GOLGA1: variants seen among roughly 807,000 people sequenced by gnomAD.
The protein encoded by GOLGA1 is golgin A1.
In GOLGA1, 63 loss-of-function variants were observed where a neutral mutation model predicts 119.7. The ratio of observed to expected loss-of-function variants is 0.53; its 90% CI spans 0.43 to 0.65. GOLGA1 has a LOEUF of 0.65. Ranked by LOEUF, GOLGA1 falls within the 30% of genes least tolerant of loss-of-function variation. The pLI is 0.00. For missense variants in GOLGA1, 798 were observed against 912.8 expected, an observed-to-expected ratio of 0.87 and a Z score of 1.62; for synonymous variants, 318 against 333.4, an observed-to-expected ratio of 0.95 and a Z score of 0.50.
At chr9:124,884,081 G>A (rs909297811) in intron 19 of GOLGA1, among the ~76,000 whole-genome samples, 1 of 150,892 alleles carries the variant, frequency 6.6e-6, no homozygotes, top group Admixed American at 6.6e-5. Context: ...GCACGATCTC[G>A]GCTCTCTGCA....
chr9:124,941,964 A>G (rs967228137), upstream of GOLGA1, among the ~76,000 whole-genome samples: 4 of 152,070 alleles, frequency 2.6e-5, no homozygotes, highest in African/African-American at 7.2e-5. Context: ...ACAAAAGAGG[A>G]AAAACTATCT....
At chr9:124,937,255 C>T (rs1363117066) in intron 3 of GOLGA1, among the ~76,000 whole-genome samples, 2 of 152,056 alleles carry the variant, frequency 1.3e-5, no homozygotes, top group African/African-American at 2.4e-5. Flanking sequence ...AGTTCCAGAC[C>T]AGCCTGGCCA....
At chr9:124,931,542 T>C (rs915207768) in intron 3 of GOLGA1, 136 bp from the exon 4 acceptor site, 1 of 603,428 alleles carries the variant, frequency 1.7e-6, no homozygotes, top group Non-Finnish European at 3.0e-6. Flanking sequence ...GGGCCTAGTT[T>C]CTCTACCTGG....
At chr9:124,904,044 G>A (rs566685017) in intron 12 of GOLGA1, among the ~76,000 whole-genome samples, 140 of 150,246 alleles carry the variant, frequency 9.3e-4, no homozygotes, top group Middle Eastern at 6.8e-3. Flanking sequence ...GCCTGATGAC[G>A]GAGCAAGACT....
At chr9:124,947,161 T>C (rs1831158107) in intron 1 of GOLGA1, 1 of 152,216 alleles carries the variant, frequency 6.6e-6, no homozygotes, top group African/African-American at 2.4e-5. Context: ...GACATTTTCC[T>C]ATGTTTTTAA....
rs766266676 is a variant in GOLGA1, at chr9:124,938,655, T to C, written c.57A>G (p.Pro19=). ...IAEETAVAQR[P]GGATRIPRSV... ...ACCGTGGGATCCTAGTAGCACCTCC[T>C]GGCCTCTGAGCAACAGCAGTCTCTT... Residue 19 remains proline (P), a synonymous_variant, in exon 3 of 23, where the codon CCA becomes CCG. Coordinates refer to ENST00000373555, the MANE Select transcript of GOLGA1 (RefSeq NM_002077.4). 4 of 1,613,196 alleles carry C rather than the reference T, an allele frequency of 2.5e-6. No individual in the cohort carries two copies. Among genetic ancestry groups the C allele is most frequent in the East Asian group, 2.2e-5 (1 of 44,898 alleles).
chr9:124,920,947 G>A (rs1830557272), intron 10 of GOLGA1, among the ~76,000 whole-genome samples, 182 bp downstream of exon 10: 1 of 151,890 alleles, frequency 6.6e-6, no homozygotes, highest in Non-Finnish European at 1.5e-5. Flanking sequence ...CTTCTGCTAA[G>A]CAACCCTTGT....
At chr9:124,924,274 A>G (rs1454113795) in intron 7 of GOLGA1, among the ~76,000 whole-genome samples, 2 of 152,210 alleles carry the variant, frequency 1.3e-5, no homozygotes, top group Non-Finnish European at 2.9e-5. Context: ...AACTGATTTC[A>G]GTTAACAAGC....
At chr9:124,922,131 G>C (rs1830582254) in intron 8 of GOLGA1, among the ~76,000 whole-genome samples, 1 of 151,978 alleles carries the variant, frequency 6.6e-6, no homozygotes, top group South Asian at 2.1e-4. Flanking sequence ...GGGAGGCTGA[G>C]GCGGGAGAAT....
At chr9:124,928,343 A>T in intron 5 of GOLGA1, 58 bp from the exon 6 acceptor site, 1 of 881,254 alleles carries the variant, frequency 1.1e-6, no homozygotes, top group South Asian at 1.4e-5. Flanking sequence ...AGCATGACAA[A>T]TAGCCCATGT....
chr9:124,880,568 G>T lies in GOLGA1; in HGVS notation c.2266C>A (p.Arg756=). The T allele has an allele frequency of 6.2e-7, 1 of 1,611,100 alleles. No homozygotes were observed. The highest frequency in any genetic ancestry group is 8.5e-7 in the Non-Finnish European group (1 of 1,177,452). Residue 756 remains arginine (R), a synonymous_variant, in exon 23 of 23, where the codon CGG becomes AGG. Coordinates refer to ENST00000373555, the MANE Select transcript of GOLGA1 (RefSeq NM_002077.4). The part of the protein sequence containing the change: ...GSKPAPKGSI[R]PSISNPRIPW... ...ATCCGAGGGTTTGAGATAGACGGCC[G>T]GATGCTGCCCTTGGGAGCTGGTTTG...
chr9:124,898,477 G>T, intron 15 of GOLGA1, 72 bp downstream of exon 15: 1 of 844,810 alleles, frequency 1.2e-6, no homozygotes, highest in Non-Finnish European at 2.0e-6. Context: ...AGTATGAGAA[G>T]TGGGGCACTG....
rs1283719141 is a variant in GOLGA1 at position 124,903,997 on chromosome 9, A to G, written c.1066-3450T>C. 1.1e-4 allele frequency among the ~76,000 whole-genome samples: 16 copies of G among 150,772 alleles called. 1 individual carries two copies. Among genetic ancestry groups the G allele is most frequent in the Admixed American group, 1.1e-3 (16 of 15,114 alleles). Reference sequence around the variant, plus strand: ...GGAATTGCTTGAACCTAGGAAGCGGAGGTTGCAGTGAGCCGAGATCGTGCC... The same window carrying G: ...GGAATTGCTTGAACCTAGGAAGCGGGGGTTGCAGTGAGCCGAGATCGTGCC... On this transcript the variant is annotated intron_variant, in intron 12 of 22. Transcript: ENST00000373555.
Position 124,928,195 on chromosome 9 carries a change from T to C in GOLGA1, c.392A>G (p.Lys131Arg). 1.3e-6 allele frequency: 2 copies of C among 1,540,074 alleles called. No homozygotes were observed. Among genetic ancestry groups the C allele is most frequent in the Admixed American group, 1.7e-5 (1 of 59,152 alleles). Residue 131 changes from lysine (K) to arginine (R), a missense_variant, in exon 6 of 23, where the codon AAG (lysine) becomes AGG (arginine). Lys to Arg is a conservative substitution (Grantham distance 26). Coordinates refer to ENST00000373555, the MANE Select transcript of GOLGA1 (RefSeq NM_002077.4). ...GTGCCACATATAAAATACCTGGTCC[T>C]TTCTGGCTAATGCCAAAGCCAGTCC... is the stretch of plus-strand genomic sequence containing the variant. The part of the protein sequence containing the change: ...AEGLALALAR[K>R]DQEWSEKMDQ...
At position 124,881,910 on chromosome 9, in the gene GOLGA1, A is replaced by G. The variant is rs1380172731; in HGVS notation, c.2010T>C (p.Pro670=). 1 of 1,611,536 alleles carries G rather than the reference A, an allele frequency of 6.2e-7. No individual in the cohort carries two copies. Among genetic ancestry groups the G allele is most frequent in the South Asian group, 1.1e-5 (1 of 90,790 alleles). The part of the protein sequence containing the change: ...DNELFEVREK[P]GPEMANMAPS... ...GCGCCATGTTTGCCATCTCAGGTCC[A>G]GGTTTCTCCCGGACTTCGAAGAGCT... Residue 670 remains proline, a synonymous_variant, in exon 21 of 23, where the codon CCT becomes CCC. Transcript: ENST00000373555. This position sits in a 1 kb window ranked among gnomAD's most constrained non-coding sequence, Gnocchi z 4.9.
At chr9:124,934,189 ACTCTAT>A (rs1287162706) in intron 3 of GOLGA1, among the ~76,000 whole-genome samples, 3 of 152,146 alleles carry the variant, frequency 2.0e-5, no homozygotes, top group Admixed American at 1.3e-4. Context: ...AGCAGATATG[ACTCTAT>A]AACCTGACCT....
Position 124,880,622 on chromosome 9 carries a change from A to T in GOLGA1, c.2224-12T>A. The T allele has an allele frequency of 6.4e-7, 1 of 1,562,822 alleles. No homozygotes were observed. The highest frequency in any genetic ancestry group is 8.8e-7 in the Non-Finnish European group (1 of 1,133,922). On this transcript the variant is annotated splice_polypyrimidine_tract_variant and intron_variant, in intron 22 of 22. Transcript: ENST00000373555. Reference sequence around the variant, plus strand: ...CCAAACCATGACATCTGCATTTGAAACAGAAAAGGCTTCTGAGATGCAAAT... The same window carrying T: ...CCAAACCATGACATCTGCATTTGAATCAGAAAAGGCTTCTGAGATGCAAAT...
In GOLGA1 at chr9:124,888,419, T is replaced by C. The variant is rs1829775553; in HGVS notation, c.1762-23A>G. Reference sequence around the variant, plus strand: ...CACCTACAAGGTGGCAGCAGCAAATTGAGAGCCAGGACAGGTCAGGTGAAG... The same window carrying C: ...CACCTACAAGGTGGCAGCAGCAAATCGAGAGCCAGGACAGGTCAGGTGAAG... On this transcript the variant is annotated intron_variant, in intron 18 of 22. Coordinates refer to ENST00000373555, the MANE Select transcript of GOLGA1 (RefSeq NM_002077.4). The surrounding 1 kb of genome is among the most constrained non-coding windows in gnomAD (Gnocchi z 4.4). The C allele has an allele frequency of 6.2e-7, 1 of 1,612,620 alleles. No individual in the cohort carries two copies. The highest frequency in any genetic ancestry group is 1.7e-5 in the Admixed American group (1 of 59,972).
chr9:124,895,103 C>CCTCCACAAGAGAGACT (rs1829937153), intron 15 of GOLGA1, among the ~76,000 whole-genome samples: 1 of 151,598 alleles, frequency 6.6e-6, no homozygotes, highest in African/African-American at 2.4e-5. Flanking sequence ...CAACAGAGAC[C>CCTCCACAAGAGAGACT]CTCCACAACA....
Sources: allele counts gnomAD v4.1 joint callset (sites outside exome capture counted in the v4.1 genomes callset), GRCh38; gene constraint gnomAD v4.1.1; non-coding constraint Gnocchi (gnomAD v3.1); transcripts MANE v1.5; gene names NCBI Gene and HGNC (gene_info 2026-07-23, HGNC 2026-07-21).